ANK2: variants seen among roughly 807,000 people sequenced by gnomAD.
The protein encoded by ANK2 is ankyrin 2.
Under a neutral mutation model 360.5 loss-of-function variants are expected in ANK2, and 83 were observed. That is an observed-to-expected ratio of 0.23 (90% CI 0.19 to 0.28). The LOEUF (loss-of-function observed/expected upper bound fraction) is 0.28, where lower values mean the gene tolerates loss of function less well. Among genes scored for constraint, ANK2 ranks in the 10% least tolerant of loss-of-function variants. ANK2 has a pLI of 1.00. For synonymous variants in ANK2, 1,740 were observed against 1,759.5 expected (o/e 0.99, Z 0.28); for missense variants, 4,201 against 4,795.7 (o/e 0.88, Z 3.66).
chr4:112,995,796 T>A (rs2048309584), intron 2 of ANK2, among the ~76,000 whole-genome samples: 2 of 152,216 alleles, frequency 1.3e-5, no homozygotes, highest in South Asian at 4.1e-4. Context: ...CCAGTTGTAT[T>A]CTTTCTAGCG....
chr4:113,048,772 TAA>T (rs1377133020), upstream of ANK2, among the ~76,000 whole-genome samples: 1 of 152,112 alleles, frequency 6.6e-6, no homozygotes, highest in Non-Finnish European at 1.5e-5. Context: ...ACTTTTGAGA[TAA>T]GTTATAAAAT....
chr4:112,980,755 T>C (rs554357626), intron 2 of ANK2, among the ~76,000 whole-genome samples: 58 of 152,330 alleles, frequency 3.8e-4, no homozygotes, highest in Non-Finnish European at 6.8e-4. Flanking sequence ...GACTATAAAG[T>C]ACAATTTTTA....
At chr4:113,231,849 CT>C (rs1248177103) in intron 4 of ANK2, among the ~76,000 whole-genome samples, 3 of 152,170 alleles carry the variant, frequency 2.0e-5, no homozygotes, top group Non-Finnish European at 2.9e-5. Flanking sequence ...ATCCACCCGC[CT>C]CAGACTCCCA....
At chr4:113,302,545 T>A (rs964649912) in intron 22 of ANK2, among the ~76,000 whole-genome samples, 2 of 152,242 alleles carry the variant, frequency 1.3e-5, no homozygotes, top group African/African-American at 4.8e-5. Context: ...AATAATGAAC[T>A]GTCTCTTGTA....
intron 15 of ANK2, among the ~76,000 whole-genome samples, chr4:113,277,244 AGT>A (rs2060562813): frequency 6.6e-6 from 1 of 152,236 alleles, no homozygotes; most frequent in Admixed American, 6.5e-5. Flanking sequence ...TCTTTTAGAC[AGT>A]GTGAGTCTTT....
At chr4:113,022,620 C>T (rs1308013871) in intron 2 of ANK2, among the ~76,000 whole-genome samples, 1 of 152,192 alleles carries the variant, frequency 6.6e-6, no homozygotes, top group Non-Finnish European at 1.5e-5. Flanking sequence ...ACTATAATTG[C>T]TACCTATTCT....
chr4:112,862,711 G>T lies in ANK2; in HGVS notation c.-39-41744G>T, dbSNP rs112469755. Reference sequence around the variant, plus strand: ...CTTAGATTTTTTTTGCAATTATTTCGTATCTTTGATTTGGAAAACATTTTT... The same window carrying T: ...CTTAGATTTTTTTTGCAATTATTTCTTATCTTTGATTTGGAAAACATTTTT... On this transcript the variant is annotated intron_variant, in intron 1 of 30. Transcript: ENST00000503271. Among the ~76,000 whole-genome samples, 3 of 151,596 alleles carry T rather than the reference G, an allele frequency of 2.0e-5. No homozygotes were observed. The East Asian group carries it at 5.8e-4, about 29-fold the overall frequency.
intron 1 of ANK2, among the ~76,000 whole-genome samples, chr4:112,850,536 A>T (rs539144759): frequency 5.2e-4 from 5 of 9,562 alleles, no homozygotes; most frequent in Non-Finnish European, 8.1e-4. Context: ...TTTTTTTTTG[A>T]GACAGAGTCT....
intron 2 of ANK2, among the ~76,000 whole-genome samples, chr4:113,029,380 A>C (rs1579431374): frequency 6.6e-6 from 1 of 152,102 alleles, no homozygotes; most frequent in East Asian, 1.9e-4. Flanking sequence ...AACTATAGGC[A>C]CACACAACTT....
Position 113,274,492 on chromosome 4 carries a change from A to C in ANK2, c.1526A>C (p.Lys509Thr). The C allele has an allele frequency of 6.2e-7, 1 of 1,614,230 alleles. No homozygotes were observed. Among genetic ancestry groups the C allele is most frequent in the Non-Finnish European group, 8.5e-7 (1 of 1,180,040 alleles). ...TPLHIASRLGKTEIVQLLLQH... is the reference protein window; with the variant it reads ...TPLHIASRLGTTEIVQLLLQH... ...TTACATATTGCCTCCCGCCTGGGTAAGACAGAAATTGTCCAGCTGCTTCTA... is the reference window on the plus strand; with the variant it reads ...TTACATATTGCCTCCCGCCTGGGTACGACAGAAATTGTCCAGCTGCTTCTA... Residue 509 changes from lysine to threonine, a missense_variant, in exon 15 of 46, where the codon AAG becomes ACG. This residue lies in a region of ANK2 where 1,268 missense variants were observed against 1,650.8 expected (regional missense o/e 0.77). Coordinates refer to ENST00000357077, the MANE Select transcript of ANK2 (RefSeq NM_001148.6).
At chr4:113,252,441 T>C (rs895387299) in intron 10 of ANK2, among the ~76,000 whole-genome samples, 1 of 152,168 alleles carries the variant, frequency 6.6e-6, no homozygotes, top group East Asian at 1.9e-4. Flanking sequence ...CCCTCATTCT[T>C]TGTCAATTCT....
At chr4:112,732,956 C>T in the ANK2 span, among the ~76,000 whole-genome samples, 8 of 152,020 alleles carry the variant, frequency 5.3e-5, no homozygotes, top group South Asian at 2.1e-4. Flanking sequence ...CGGTGGCTCA[C>T]GCCTGTAATC....
chr4:112,758,892 C>T, the ANK2 span, among the ~76,000 whole-genome samples: 1 of 152,066 alleles, frequency 6.6e-6, no homozygotes, highest in Admixed American at 6.6e-5. Flanking sequence ...GGATGAGGAA[C>T]CTTGTGCCCA....
chr4:112,999,453 C>G (rs1478348148), intron 2 of ANK2, among the ~76,000 whole-genome samples: 2 of 152,038 alleles, frequency 1.3e-5, no homozygotes, highest in Admixed American at 1.3e-4. Flanking sequence ...CATGGGGCAC[C>G]ACGAAACTAA....
At chr4:113,204,930 A>C (rs2098923120) in intron 4 of ANK2, among the ~76,000 whole-genome samples, 1 of 152,166 alleles carries the variant, frequency 6.6e-6, no homozygotes. Context: ...CAATCAAACA[A>C]AATTTTTAAC....
chr4:112,778,926 G>A, the ANK2 span, among the ~76,000 whole-genome samples: 1 of 152,192 alleles, frequency 6.6e-6, no homozygotes, highest in African/African-American at 2.4e-5. Flanking sequence ...GACGTGCTGA[G>A]CTAGCTTAAA....
intron 2 of ANK2, among the ~76,000 whole-genome samples, chr4:113,035,203 G>T (rs532270218): frequency 3.3e-5 from 5 of 151,772 alleles, no homozygotes; most frequent in African/African-American, 1.2e-4. Context: ...GGTGGGTTGG[G>T]AAGGGGGTGT....
At chr4:112,951,528 T>C (rs1479691833) in intron 2 of ANK2, among the ~76,000 whole-genome samples, 1 of 152,234 alleles carries the variant, frequency 6.6e-6, no homozygotes, top group Non-Finnish European at 1.5e-5. Flanking sequence ...AATTTGTTTT[T>C]CTGATTATTT....
At chr4:113,013,551 A>G (rs17045357) in intron 2 of ANK2, among the ~76,000 whole-genome samples, 84,884 of 152,052 alleles carry the variant, frequency 0.56, 25,557 homozygotes, top group Non-Finnish European at 0.69. Flanking sequence ...ATAGTTAAAA[A>G]TCTCCCAGAG....
Sources: gnomAD v4.1 joint callset for allele counts (sites outside exome capture counted in the v4.1 genomes callset) on GRCh38, gnomAD v4.1.1 for gene constraint, gnomAD v4.1.1 regional missense constraint, MANE v1.5 for transcripts, NCBI Gene and HGNC (gene_info 2026-07-23, HGNC 2026-07-21) for gene names.